The following L3MBTL4 variants were observed in gnomAD, a reference collection of about 807,000 sequenced individuals.
The protein encoded by L3MBTL4 is L3MBTL histone methyl-lysine binding protein 4.
A neutral mutation model predicts 84.5 loss-of-function variants in L3MBTL4; 70 were observed. The ratio of observed to expected loss-of-function variants is 0.83; its 90% confidence interval spans 0.68 to 1.01. The LOEUF is 1.01. Ranked by LOEUF, L3MBTL4 falls within the 50% of genes least tolerant of loss-of-function variation. The probability of loss-of-function intolerance (pLI) is 0.00; values close to 1 mark genes in which losing one functional copy is unlikely to be tolerated. For missense variants in L3MBTL4, 715 were observed against 754.8 expected, an observed-to-expected ratio of 0.95 and a Z score of 0.62; for synonymous variants, 274 against 259.8, an observed-to-expected ratio of 1.05 and a Z score of -0.52.
chr18:6,200,073 G>T (rs892830195), intron 12 of L3MBTL4, among the ~76,000 whole-genome samples: 2 of 151,734 alleles, frequency 1.3e-5, no homozygotes, highest in Admixed American at 6.6e-5. Context: ...TAAAGAAGAG[G>T]GGTTAAGGGA....
chr18:6,239,825 G>A lies in L3MBTL4; in HGVS notation c.600C>T (p.Ala200=), dbSNP rs371225238. 549 of 1,613,984 alleles carry A rather than the reference G, an allele frequency of 3.4e-4. No homozygotes were observed. Among genetic ancestry groups the A allele is most frequent in the Non-Finnish European group, 4.4e-4 (517 of 1,180,026 alleles). Residue 200 remains alanine (A), a synonymous_variant, in exon 9 of 19, where the codon GCC becomes GCT. Coordinates refer to ENST00000317931, the MANE Select transcript of L3MBTL4 (RefSeq NM_001330559.2). ...KEFQVGMKLE[A]VDRKNPSLVC... is the part of the protein sequence containing the mutation. ...CCAAGGAAGGGTTCTTCCTGTCCAC[G>A]GCCTCCAGCTTCATTCCAACCTGAA... is the stretch of plus-strand genomic sequence containing the variant.
At chr18:6,210,599 A>G (rs1280405682) in intron 12 of L3MBTL4, among the ~76,000 whole-genome samples, 1 of 152,236 alleles carries the variant, frequency 6.6e-6, no homozygotes, top group East Asian at 1.9e-4. Flanking sequence ...TGGTTGCAGG[A>G]AGATATGTTA....
rs778792515 is a variant in L3MBTL4, at chr18:5,956,321, G to A, written c.1744C>T (p.Leu582=). The A allele has an allele frequency of 6.2e-7, 1 of 1,614,152 alleles. No homozygotes were observed. The highest frequency in any genetic ancestry group is 2.2e-5 in the East Asian group (1 of 44,878). The part of the protein sequence containing the change: ...TDIVKVMKIK[L]GPALKIYNSI... ...TTGTAAATCTTCAGTGCTGGGCCCA[G>A]TTTGATCTTCATCACTTTGACAATG... Residue 582 remains leucine (L), a synonymous_variant, in exon 19 of 19, where the codon CTG becomes TTG. Coordinates refer to ENST00000317931, the MANE Select transcript of L3MBTL4 (RefSeq NM_001330559.2).
At chr18:6,090,799 T>TTC (rs1265666604) in intron 15 of L3MBTL4, among the ~76,000 whole-genome samples, 2 of 150,636 alleles carry the variant, frequency 1.3e-5, no homozygotes, top group Non-Finnish European at 3.0e-5. Context: ...TATTTTTTTT[T>TTC]TTTTTTTGTA....
At chr18:6,069,506 C>T (rs1261066558) in intron 16 of L3MBTL4, among the ~76,000 whole-genome samples, 7 of 151,990 alleles carry the variant, frequency 4.6e-5, no homozygotes, top group African/African-American at 1.7e-4. Context: ...GTTAAGCTAC[C>T]AGGGTGGGTG....
chr18:6,292,608 G>A (rs1432764717), intron 4 of L3MBTL4, among the ~76,000 whole-genome samples: 3 of 152,106 alleles, frequency 2.0e-5, no homozygotes, highest in African/African-American at 7.2e-5. Context: ...ACTATCAAGG[G>A]ACAATTAACC....
At chr18:5,971,117 A>G (rs2052621355) in intron 16 of L3MBTL4, among the ~76,000 whole-genome samples, 1 of 152,242 alleles carries the variant, frequency 6.6e-6, no homozygotes, top group Non-Finnish European at 1.5e-5. Flanking sequence ...TTCAGCCAAC[A>G]GTATGTAAGC....
At chr18:6,215,924 A>C in intron 10 of L3MBTL4, 89 bp from the exon 11 acceptor site, 1 of 656,878 alleles carries the variant, frequency 1.5e-6, no homozygotes, top group Non-Finnish European at 2.5e-6. Context: ...TATGACACCT[A>C]ATGTTAATTG....
intron 1 of L3MBTL4, among the ~76,000 whole-genome samples, chr18:6,394,267 A>T (rs2055181140): frequency 6.6e-6 from 1 of 152,160 alleles, no homozygotes; most frequent in African/African-American, 2.4e-5. Flanking sequence ...CAGGAGTTCG[A>T]GACCAGCCTA....
chr18:6,213,147 A>G lies in L3MBTL4; in HGVS notation c.981+2T>C. ...AATAACATAATAATTTAAAATATGT[A>G]CCTTTACTCTTTGGTCATCAACATC... On this transcript the variant is annotated splice_donor_variant, in intron 12 of 18. Transcript: ENST00000317931. LOFTEE classifies it high-confidence loss of function. The G allele has an allele frequency of 6.6e-7, 1 of 1,516,538 alleles. No homozygotes were observed. Among genetic ancestry groups the G allele is most frequent in the Non-Finnish European group, 9.0e-7 (1 of 1,110,898 alleles). 93.9% of individuals were successfully genotyped at this position (1,516,538 alleles called of 1,614,324 possible).
At chr18:6,053,296 G>T (rs752466170) in intron 16 of L3MBTL4, among the ~76,000 whole-genome samples, 3 of 152,314 alleles carry the variant, frequency 2.0e-5, no homozygotes, top group Middle Eastern at 3.4e-3. Context: ...AGTTTCCACT[G>T]CAGGACTGGA....
At chr18:5,993,904 C>T (rs747273871) in intron 16 of L3MBTL4, among the ~76,000 whole-genome samples, 3 of 152,098 alleles carry the variant, frequency 2.0e-5, no homozygotes, top group Non-Finnish European at 4.4e-5. Context: ...TGTTTTTGCA[C>T]TAAGTTTTAG....
At chr18:6,155,495 G>A (rs1408144475) in intron 13 of L3MBTL4, among the ~76,000 whole-genome samples, 1 of 152,138 alleles carries the variant, frequency 6.6e-6, no homozygotes, top group African/African-American at 2.4e-5. Flanking sequence ...TGGTTCTCAT[G>A]GCTGGATGCA....
chr18:6,146,486 T>C (rs867285131), intron 13 of L3MBTL4, among the ~76,000 whole-genome samples: 1 of 152,136 alleles, frequency 6.6e-6, no homozygotes, highest in South Asian at 2.1e-4. Flanking sequence ...GCTCAGTCCA[T>C]GCAACGGTTG....
At chr18:6,266,549 G>A (rs1366659060) in intron 4 of L3MBTL4, among the ~76,000 whole-genome samples, 3 of 152,114 alleles carry the variant, frequency 2.0e-5, no homozygotes, top group South Asian at 2.1e-4. Context: ...GAAACCTCTC[G>A]AGACAATACA....
At chr18:6,218,378 C>G (rs1359944267) in intron 10 of L3MBTL4, among the ~76,000 whole-genome samples, 2 of 151,986 alleles carry the variant, frequency 1.3e-5, no homozygotes, top group African/African-American at 4.8e-5. Flanking sequence ...TGAACCATGC[C>G]CACACCTGGC....
intron 12 of L3MBTL4, among the ~76,000 whole-genome samples, chr18:6,176,487 C>G (rs925038739): frequency 6.6e-6 from 1 of 151,898 alleles, no homozygotes; most frequent in Non-Finnish European, 1.5e-5. Flanking sequence ...CACCAGAATG[C>G]TTGAACATCA....
chr18:6,082,961 A>G (rs749209376), intron 15 of L3MBTL4, among the ~76,000 whole-genome samples: 1 of 152,092 alleles, frequency 6.6e-6, no homozygotes, highest in Non-Finnish European at 1.5e-5. Flanking sequence ...ATTCTCACAA[A>G]AACTCTACAA....
intron 1 of L3MBTL4, among the ~76,000 whole-genome samples, chr18:6,329,138 CT>C (rs796709611): frequency 9.7e-6 from 1 of 103,206 alleles, no homozygotes; most frequent in Non-Finnish European, 2.0e-5. Flanking sequence ...TCTTTTGTTT[CT>C]TTTTTTCTTT....
Sources: allele counts gnomAD v4.1 joint callset (sites outside exome capture counted in the v4.1 genomes callset), GRCh38; gene constraint gnomAD v4.1.1; transcripts MANE v1.5; gene names NCBI Gene and HGNC (gene_info 2026-07-23, HGNC 2026-07-21).